The following UST variants were observed in gnomAD, a reference collection of about 807,000 sequenced individuals.
UST encodes chondroitin sulfate 2-O-sulfotransferase.
Under a neutral mutation model 45.6 loss-of-function variants are expected in UST, and 21 were observed. The observed-to-expected ratio is 0.46, with a 90% CI of 0.33 to 0.66. UST has a LOEUF of 0.66. Ranked by LOEUF, UST falls within the 30% of genes least tolerant of loss-of-function variation. The probability of loss-of-function intolerance (pLI) is 0.02; values close to 1 mark genes in which losing one functional copy is unlikely to be tolerated. For missense variants in UST, 463 were observed against 512.4 expected (o/e 0.90, Z 0.93); for synonymous variants, 215 against 200.6 (o/e 1.07, Z -0.61).
chr6:148,964,575 C>T lies in UST; in HGVS notation c.681+12C>T, dbSNP rs541574475. 1.2e-6 allele frequency: 2 copies of T among 1,612,656 alleles called. No homozygotes were observed. The highest frequency in any genetic ancestry group is 1.3e-5 in the African/African-American group (1 of 75,010). ...AGGAGCGCTACCTGGTAAGTCCTGT[C>T]GCATGCAAAAGGCGGTCTCCCCACT... On this transcript the variant is annotated intron_variant, in intron 5 of 7. Transcript: ENST00000367463.
intron 1 of UST, among the ~76,000 whole-genome samples, chr6:148,853,132 G>T (rs529997244): frequency 5.9e-5 from 9 of 152,100 alleles, no homozygotes; most frequent in African/African-American, 2.2e-4. Flanking sequence ...ACAGGCCCCT[G>T]TGTGTGTATT....
At chr6:148,793,924 T>C (rs1776900074) in intron 1 of UST, among the ~76,000 whole-genome samples, 1 of 152,242 alleles carries the variant, frequency 6.6e-6, no homozygotes, top group Non-Finnish European at 1.5e-5. Context: ...TTGGCACTAT[T>C]CTGAATAGTG....
intron 7 of UST, among the ~76,000 whole-genome samples, chr6:149,025,874 C>T (rs572260523): frequency 3.0e-4 from 45 of 151,894 alleles, no homozygotes; most frequent in African/African-American, 5.5e-4. Context: ...AAAGTCCAGG[C>T]GTGGTGGCTC....
At chr6:148,902,681 T>C (rs1779283809) in intron 2 of UST, among the ~76,000 whole-genome samples, 1 of 152,146 alleles carries the variant, frequency 6.6e-6, no homozygotes, top group Admixed American at 6.5e-5. Context: ...GCCTGTTTCT[T>C]CCTCTACATT....
At chr6:149,043,769 C>T (rs549471428) in intron 7 of UST, among the ~76,000 whole-genome samples, 37 of 152,392 alleles carry the variant, frequency 2.4e-4, no homozygotes, top group Non-Finnish European at 1.5e-5. Flanking sequence ...TGCGGGTTGA[C>T]TTCTGGCTCT....
intron 1 of UST, among the ~76,000 whole-genome samples, chr6:148,871,689 T>C (rs1156534574): frequency 6.6e-6 from 1 of 152,214 alleles, no homozygotes; most frequent in Non-Finnish European, 1.5e-5. Flanking sequence ...TTGTAGGAAT[T>C]GACTTCAAGG....
rs1029203097 is a variant in UST, at chr6:149,040,044, G to C, written c.937+18563G>C. ...GCCTACCTGGGTCACTGGGTGGCCT[G>C]TTCCTCCACCACCCCCAGATCTGAA... On this transcript the variant is annotated intron_variant, in intron 7 of 7. Transcript: ENST00000367463. Among the ~76,000 whole-genome samples the C allele has an allele frequency of 2.6e-5, 4 of 152,190 alleles. No individual in the cohort carries two copies. The East Asian group carries it at 7.7e-4, about 29-fold the overall frequency.
intron 1 of UST, among the ~76,000 whole-genome samples, chr6:148,800,677 T>A (rs1287169013): frequency 6.6e-6 from 1 of 152,154 alleles, no homozygotes; most frequent in African/African-American, 2.4e-5. Context: ...GTAGGGTTTT[T>A]CTTGCATAGT....
intron 7 of UST, among the ~76,000 whole-genome samples, chr6:149,042,131 C>CTTTTATTA (rs1486052858): frequency 1.3e-5 from 2 of 152,096 alleles, no homozygotes; most frequent in Non-Finnish European, 2.9e-5. Flanking sequence ...GACTTAGGCA[C>CTTTTATTA]TTTTATTATT....
chr6:148,884,973 A>G (rs1778887266), intron 1 of UST, among the ~76,000 whole-genome samples: 1 of 152,150 alleles, frequency 6.6e-6, no homozygotes, highest in South Asian at 2.1e-4. Flanking sequence ...TAAGGAAGAC[A>G]GTGGAGGCAG....
At chr6:148,923,136 A>G (rs1186038092) in intron 2 of UST, among the ~76,000 whole-genome samples, 1 of 152,178 alleles carries the variant, frequency 6.6e-6, no homozygotes, top group Admixed American at 6.5e-5. Flanking sequence ...AAAAATGCTT[A>G]TGCTTAAAAT....
chr6:149,065,531 C>T (rs1776718541), intron 7 of UST, among the ~76,000 whole-genome samples: 1 of 152,036 alleles, frequency 6.6e-6, no homozygotes, highest in African/African-American at 2.4e-5. Context: ...TGAAAGCTGC[C>T]CTGGTTATGG....
intron 2 of UST, among the ~76,000 whole-genome samples, chr6:148,935,022 C>T (rs12175861): frequency 0.042 from 6,343 of 152,228 alleles, 359 homozygotes; most frequent in East Asian, 0.13. Flanking sequence ...AGTCTTGGTC[C>T]AGACCACATT....
At chr6:148,752,646 C>T (rs1776011368) in intron 1 of UST, among the ~76,000 whole-genome samples, 1 of 152,202 alleles carries the variant, frequency 6.6e-6, no homozygotes, top group Admixed American at 6.5e-5. Context: ...TTCAAATTCC[C>T]TGTCATCAAT....
intron 1 of UST, among the ~76,000 whole-genome samples, chr6:148,841,314 T>G (rs1777883330): frequency 6.6e-6 from 1 of 152,130 alleles, no homozygotes. Context: ...CATAATTTCC[T>G]TCTCTTATGA....
intron 1 of UST, among the ~76,000 whole-genome samples, chr6:148,764,665 A>G (rs1475618779): frequency 6.6e-6 from 1 of 152,148 alleles, no homozygotes; most frequent in East Asian, 1.9e-4. Context: ...TGAGCTGTAA[A>G]ACCAGCAAGT....
chr6:148,907,424 A>G (rs1779384938), intron 2 of UST, among the ~76,000 whole-genome samples: 1 of 152,232 alleles, frequency 6.6e-6, no homozygotes, highest in South Asian at 2.1e-4. Flanking sequence ...TAGGGATACC[A>G]CAACACACAT....
chr6:148,848,798 C>T (rs970797300), intron 1 of UST, among the ~76,000 whole-genome samples: 2 of 152,032 alleles, frequency 1.3e-5, no homozygotes, highest in African/African-American at 4.8e-5. Flanking sequence ...TTGGCTAACA[C>T]ATTTGAGGAG....
At chr6:148,769,816 C>T (rs961770859) in intron 1 of UST, among the ~76,000 whole-genome samples, 3 of 150,822 alleles carry the variant, frequency 2.0e-5, no homozygotes, top group South Asian at 2.1e-4. Flanking sequence ...AATTCTGCCG[C>T]TAGGCATTCA....
Sources: allele counts gnomAD v4.1 joint callset (sites outside exome capture counted in the v4.1 genomes callset), GRCh38; gene constraint gnomAD v4.1.1; transcripts MANE v1.5; gene names NCBI Gene and HGNC (gene_info 2026-07-23, HGNC 2026-07-21).